METTL25B: variants seen among roughly 807,000 people sequenced by gnomAD.
The protein encoded by METTL25B is methyltransferase-like protein 25B.
In METTL25B, 38 loss-of-function variants were observed where a neutral mutation model predicts 48.4. The ratio of observed to expected loss-of-function variants is 0.78; its 90% CI spans 0.61 to 1.03. METTL25B has a LOEUF of 1.03. Among genes scored for constraint, METTL25B ranks in the 50% least tolerant of loss-of-function variants. METTL25B has a pLI of 0.00. For synonymous variants in METTL25B, 230 were observed against 254.5 expected (o/e 0.90, Z 0.92); for missense variants, 537 against 603.7 (o/e 0.89, Z 1.16).
Position 156,733,067 on chromosome 1 carries a change from T to C in METTL25B, c.492+20T>C. ...GGCCAGGTGAGCCAGAGTCTTGATG[T>C]ACTGTTTTTTTGAGTCATGGGGACA... On this transcript the variant is annotated intron_variant, in intron 4 of 7. Coordinates refer to ENST00000368216, the MANE Select transcript of METTL25B (RefSeq NM_015997.4). 6.2e-7 allele frequency: 1 copy of C among 1,611,346 alleles called. No individual in the cohort carries two copies.
In METTL25B at chr1:156,728,907, C is replaced by G; in HGVS notation, c.-198C>G. On this transcript the variant is annotated 5_prime_UTR_variant, in exon 1 of 8. Coordinates refer to ENST00000368216, the MANE Select transcript of METTL25B (RefSeq NM_015997.4). ...CCTTCTCACTGTGAAACGTCGCGAC[C>G]TGTGACGTCTGGGGGGCGCCTCAAA... 2 of 583,624 alleles carry G rather than the reference C, an allele frequency of 3.4e-6. No individual in the cohort carries two copies. The highest frequency in any genetic ancestry group is 5.6e-6 in the Non-Finnish European group (2 of 359,790). 36.2% of individuals were successfully genotyped at this position (583,624 alleles called of 1,614,324 possible). A position where few individuals can be genotyped will look rare whatever the true frequency, so the allele number is the denominator to read the frequency against.
intron 7 of METTL25B, 83 bp downstream of exon 7, chr1:156,735,992 C>T: frequency 8.2e-7 from 1 of 1,214,724 alleles, no homozygotes; most frequent in Non-Finnish European, 1.2e-6. Context: ...GCCCCAACAT[C>T]TTCTGGGCCT....
At position 156,736,841 on chromosome 1, in the gene METTL25B, A is replaced by G; in HGVS notation, c.*88A>G. The G allele has an allele frequency of 2.3e-6, 3 of 1,324,432 alleles. No homozygotes were observed. Among genetic ancestry groups the G allele is most frequent in the Non-Finnish European group, 3.1e-6 (3 of 965,650 alleles). 82.0% of individuals were successfully genotyped at this position (1,324,432 alleles called of 1,614,324 possible). On this transcript the variant is annotated 3_prime_UTR_variant, in exon 8 of 8. Transcript: ENST00000368216. Reference sequence around the variant, plus strand: ...AGTACATCTCATCCAGAGAAACAGCATCCTGCATCCTCCAGAGTCCTGGTT... The same window carrying G: ...AGTACATCTCATCCAGAGAAACAGCGTCCTGCATCCTCCAGAGTCCTGGTT...
chr1:156,736,837 C>A lies in METTL25B; in HGVS notation c.*84C>A. The A allele has an allele frequency of 7.4e-7, 1 of 1,359,192 alleles. No homozygotes were observed. 84.2% of individuals were successfully genotyped at this position (1,359,192 alleles called of 1,614,324 possible). A position where few individuals can be genotyped will look rare whatever the true frequency, so the allele number is the denominator to read the frequency against. ...GCAGAGTACATCTCATCCAGAGAAA[C>A]AGCATCCTGCATCCTCCAGAGTCCT... On this transcript the variant is annotated 3_prime_UTR_variant, in exon 8 of 8. Coordinates refer to ENST00000368216, the MANE Select transcript of METTL25B (RefSeq NM_015997.4).
rs1412196262 is a variant in METTL25B at position 156,734,067 on chromosome 1, C to T, written c.695C>T (p.Thr232Ile). The change falls in exon 6 of 8, where the codon ACA (threonine) becomes ATA (isoleucine). Residue 232 changes from threonine (T) to isoleucine (I), a missense_variant. Thr to Ile is a moderately conservative substitution (Grantham distance 89, BLOSUM62 -1). Coordinates refer to ENST00000368216, the MANE Select transcript of METTL25B (RefSeq NM_015997.4). ...PHHVVRWVDP[T>I]ALCEELLLPL... ...CACGTGGTTAGGTGGGTAGACCCCA[C>T]AGCCCTGTGTGAGGAGCTTCTGCTT... 1.9e-6 allele frequency: 3 copies of T among 1,613,944 alleles called. No individual in the cohort carries two copies. The highest frequency in any genetic ancestry group is 2.5e-6 in the Non-Finnish European group (3 of 1,179,988).
intron 1 of METTL25B, 179 bp downstream of exon 1, chr1:156,729,394 AAAT>A (rs1275807989): frequency 4.6e-5 from 23 of 498,042 alleles, no homozygotes; most frequent in African/African-American, 4.1e-4. Flanking sequence ...CAGCTGACAT[AAAT>A]AATATTTCTT....
rs550546645 is a variant in METTL25B, at chr1:156,734,509, G to A, written c.1121+16G>A. ...AGATTGAAGAGTGAGGTTGGGGGAC[G>A]GGTGGGGGGCAGTGGAGAGGAGATT... On this transcript the variant is annotated intron_variant, in intron 6 of 7. Coordinates refer to ENST00000368216, the MANE Select transcript of METTL25B (RefSeq NM_015997.4). 5.8e-6 allele frequency: 9 copies of A among 1,555,012 alleles called. No individual in the cohort carries two copies. Among genetic ancestry groups the A allele is most frequent in the South Asian group, 3.5e-5 (3 of 84,670 alleles).
chr1:156,734,833 G>C (rs1355491356), intron 6 of METTL25B, among the ~76,000 whole-genome samples: 7 of 31,570 alleles, frequency 2.2e-4, no homozygotes, highest in Non-Finnish European at 4.0e-4. Flanking sequence ...ACCCGGCCTG[G>C]AGGGGAGATT....
chr1:156,731,471 G>A (rs527395633), intron 1 of METTL25B, among the ~76,000 whole-genome samples: 2 of 152,244 alleles, frequency 1.3e-5, no homozygotes, highest in East Asian at 3.9e-4. Flanking sequence ...CCAGAATCTT[G>A]TCTCAGGTTC....
chr1:156,733,037 G>A lies in METTL25B; in HGVS notation c.482G>A (p.Gly161Asp). The A allele has an allele frequency of 1.2e-6, 2 of 1,614,086 alleles. No individual in the cohort carries two copies. The highest frequency in any genetic ancestry group is 1.3e-5 in the African/African-American group (1 of 75,044). Residue 161 changes from glycine (G) to aspartate (D), a missense_variant, in exon 4 of 8, where the codon GGC becomes GAC. Physicochemically the swap from Gly to Asp is moderately conservative, Grantham distance 94. Coordinates refer to ENST00000368216, the MANE Select transcript of METTL25B (RefSeq NM_015997.4). ...GGCTGCACCCAGGTTGTAGACGTGG[G>A]CTCAGGCCAGGTGAGCCAGAGTCTT... Reference protein sequence around the residue: ...FTGCTQVVDVGSGQGHLSRFM... With the variant: ...FTGCTQVVDVDSGQGHLSRFM...
rs560105354 is a variant in METTL25B at position 156,733,060 on chromosome 1, C to T, written c.492+13C>T. 2.5e-6 allele frequency: 4 copies of T among 1,612,638 alleles called. No individual in the cohort carries two copies. In the East Asian group the frequency reaches 6.7e-5, roughly 27 times the overall value. ...GGGCTCAGGCCAGGTGAGCCAGAGT[C>T]TTGATGTACTGTTTTTTTGAGTCAT... is the stretch of plus-strand genomic sequence containing the variant. On this transcript the variant is annotated intron_variant, in intron 4 of 7. Transcript: ENST00000368216.
rs775418849 is a variant in METTL25B, at chr1:156,734,280, C to T, written c.908C>T (p.Ala303Val). 6.2e-7 allele frequency: 1 copy of T among 1,614,136 alleles called. No individual in the cohort carries two copies. Among genetic ancestry groups the T allele is most frequent in the Admixed American group, 1.7e-5 (1 of 60,028 alleles). ...PGGYPLSQWV[A>V]GLPGYELPYR... is the part of the protein sequence containing the mutation. ...GGCTACCCACTGAGTCAGTGGGTGGCTGGGCTGCCTGGCTATGAACTGCCC... is the reference window on the plus strand; with the variant it reads ...GGCTACCCACTGAGTCAGTGGGTGGTTGGGCTGCCTGGCTATGAACTGCCC... The change falls in exon 6 of 8, where the codon GCT (alanine) becomes GTT (valine). Residue 303 changes from alanine to valine, a missense_variant. Transcript: ENST00000368216.
Position 156,733,390 on chromosome 1 carries a change from G to A in METTL25B, c.506G>A (p.Arg169His), listed in dbSNP as rs933601524. Residue 169 changes from arginine (R) to histidine (H), a missense_variant, in exon 5 of 8, where the codon CGC becomes CAC. By Grantham distance (29) the Arg-to-His change is conservative. Transcript: ENST00000368216. ...DVGSGQGHLS[R>H]FMALGLGLMV... ...TCGTGACTCCAGGGCCATCTCTCCC[G>A]CTTCATGGCTCTTGGCCTGGGGTTG... is the stretch of plus-strand genomic sequence containing the variant. 5.0e-6 allele frequency: 8 copies of A among 1,614,096 alleles called. No individual in the cohort carries two copies. Among genetic ancestry groups the A allele is most frequent in the South Asian group, 3.3e-5 (3 of 91,078 alleles).
chr1:156,732,837 T>C, intron 3 of METTL25B, 148 bp from the exon 4 acceptor site: 1 of 693,420 alleles, frequency 1.4e-6, no homozygotes, highest in Admixed American at 2.7e-5. Flanking sequence ...CTCACCCTTA[T>C]ATCTTTCTTT....
At chr1:156,732,551 C>A in intron 3 of METTL25B, 78 bp downstream of exon 3, 1 of 1,373,758 alleles carries the variant, frequency 7.3e-7, no homozygotes, top group African/African-American at 1.4e-5. Context: ...TATGTGTGCC[C>A]TTTACCTCAC....
At position 156,735,608 on chromosome 1, in the gene METTL25B, G is replaced by T. The variant is rs367573781; in HGVS notation, c.1122-117G>T. On this transcript the variant is annotated intron_variant, in intron 6 of 7. Coordinates refer to ENST00000368216, the MANE Select transcript of METTL25B (RefSeq NM_015997.4). The stretch of plus-strand genomic sequence containing the variant: ...TATATGCACATATGTTCATGAAAAC[G>T]CATATTGGGGTAGAAAATAAAGCAA... 14 of 283,256 alleles carry T rather than the reference G, an allele frequency of 4.9e-5. No individual in the cohort carries two copies. In the African/African-American group the frequency reaches 7.0e-4, roughly 14 times the overall value. The allele number at this position is 283,256 out of a possible 1,614,324, so 17.5% of individuals were successfully genotyped here.
At chr1:156,731,150 G>A (rs1390564128) in intron 1 of METTL25B, among the ~76,000 whole-genome samples, 1 of 152,212 alleles carries the variant, frequency 6.6e-6, no homozygotes. Context: ...TTGAGAGGGA[G>A]TTTTGCTCTG....
chr1:156,736,508 G>T, intron 7 of METTL25B, 124 bp from the exon 8 acceptor site: 2 of 1,116,170 alleles, frequency 1.8e-6, no homozygotes, highest in East Asian at 2.4e-5. Context: ...ATGGAGAACG[G>T]GGTCTCCTTA....
In METTL25B at chr1:156,728,967, C is replaced by T; in HGVS notation, c.-138C>T. The T allele has an allele frequency of 1.8e-6, 1 of 566,620 alleles. No homozygotes were observed. The highest frequency in any genetic ancestry group is 4.6e-4 in the Middle Eastern group (1 of 2,190). The allele number at this position is 566,620 out of a possible 1,614,324, so 35.1% of individuals were successfully genotyped here. ...CCAGCATCGGATCCCGGAAAGGCAGCGTCGGAGACTGGACCCAAAACTCTT... is the reference window on the plus strand; with the variant it reads ...CCAGCATCGGATCCCGGAAAGGCAGTGTCGGAGACTGGACCCAAAACTCTT... On this transcript the variant is annotated 5_prime_UTR_variant, in exon 1 of 8. Coordinates refer to ENST00000368216, the MANE Select transcript of METTL25B (RefSeq NM_015997.4).
Sources: allele counts gnomAD v4.1 joint callset (sites outside exome capture counted in the v4.1 genomes callset), GRCh38; gene constraint gnomAD v4.1.1; transcripts MANE v1.5; gene names NCBI Gene and HGNC (gene_info 2026-07-23, HGNC 2026-07-21).